Variants in SPAG16 observed in about 807,000 individuals in gnomAD.
SPAG16 encodes the protein sperm associated antigen 16.
In SPAG16, 86 loss-of-function variants were observed where a neutral mutation model predicts 80.4. The ratio of observed to expected loss-of-function variants is 1.07; its 90% CI spans 0.90 to 1.28. SPAG16 has a LOEUF of 1.28. Among genes scored for constraint, SPAG16 ranks in the 50% most tolerant of loss-of-function variants. SPAG16 has a pLI of 0.00. For synonymous variants in SPAG16, 294 were observed against 265.9 expected, an observed-to-expected ratio of 1.11 and a Z score of -1.03; for missense variants, 870 against 765.3, an observed-to-expected ratio of 1.14 and a Z score of -1.61.
At chr2:213,940,309 A>G (rs1345885980) in intron 12 of SPAG16, among the ~76,000 whole-genome samples, 1 of 152,158 alleles carries the variant, frequency 6.6e-6, no homozygotes, top group East Asian at 1.9e-4. Flanking sequence ...AAGTTTTTTT[A>G]GAGATGACAT....
chr2:214,116,455 A>G (rs531223300), intron 14 of SPAG16, among the ~76,000 whole-genome samples: 1 of 152,222 alleles, frequency 6.6e-6, no homozygotes, highest in Non-Finnish European at 1.5e-5. Context: ...TTGGGGAACT[A>G]TGCTGTCTAT....
At chr2:214,234,599 A>C (rs2125810622) in intron 15 of SPAG16, among the ~76,000 whole-genome samples, 1 of 152,170 alleles carries the variant, frequency 6.6e-6, no homozygotes, top group East Asian at 1.9e-4. Context: ...CTGTGAGATC[A>C]TATATCATTG....
chr2:213,976,641 A>G (rs1559649226), intron 12 of SPAG16, among the ~76,000 whole-genome samples: 1 of 152,030 alleles, frequency 6.6e-6, no homozygotes, highest in South Asian at 2.1e-4. Context: ...AAAAAGCTAG[A>G]AAAATTCCAA....
chr2:213,376,440 C>T (rs142082745), intron 9 of SPAG16, among the ~76,000 whole-genome samples: 1,659 of 152,032 alleles, frequency 0.011, 23 homozygotes, highest in Non-Finnish European at 0.012. Flanking sequence ...TGATATTTAA[C>T]GTAATACCTA....
At chr2:213,719,826 C>A (rs990887739) in intron 10 of SPAG16, among the ~76,000 whole-genome samples, 2 of 152,144 alleles carry the variant, frequency 1.3e-5, no homozygotes, top group African/African-American at 4.8e-5. Context: ...ACCCAGCAAT[C>A]CCATTACTGA....
chr2:214,239,913 C>CA (rs1288488504), intron 15 of SPAG16: 1 of 152,012 alleles, frequency 6.6e-6, no homozygotes, highest in East Asian at 1.9e-4. Flanking sequence ...ATAAAATTCT[C>CA]ATTGAAAAAA....
intron 5 of SPAG16, among the ~76,000 whole-genome samples, chr2:213,338,975 G>A (rs905950971): frequency 2.7e-5 from 4 of 150,802 alleles, no homozygotes; most frequent in African/African-American, 9.8e-5. Flanking sequence ...CGTGGCACAT[G>A]TTTACCTATG....
chr2:213,648,642 A>G (rs1353153675), intron 10 of SPAG16, among the ~76,000 whole-genome samples: 1 of 152,096 alleles, frequency 6.6e-6, no homozygotes, highest in Non-Finnish European at 1.5e-5. Flanking sequence ...ATGCACATCA[A>G]TTGTCTCATC....
chr2:213,875,246 G>A (rs1241028414), intron 11 of SPAG16, among the ~76,000 whole-genome samples: 3 of 151,868 alleles, frequency 2.0e-5, no homozygotes, highest in African/African-American at 7.3e-5. Flanking sequence ...AAATTATATG[G>A]GAACTCTACA....
At chr2:213,792,225 C>A (rs1028568379) in intron 10 of SPAG16, among the ~76,000 whole-genome samples, 1 of 152,180 alleles carries the variant, frequency 6.6e-6, no homozygotes, top group African/African-American at 2.4e-5. Flanking sequence ...GCCAAGGAAT[C>A]CCATAGCTTT....
At chr2:213,804,459 A>AGATCACAAGGTCAAGAGATCGAG (rs1170388945) in intron 10 of SPAG16, among the ~76,000 whole-genome samples, 1 of 152,136 alleles carries the variant, frequency 6.6e-6, no homozygotes, top group Non-Finnish European at 1.5e-5. Flanking sequence ...CGAGGCGGGC[A>AGATCACAAGGTCAAGAGATCGAG]GATCACAAGG....
chr2:213,742,130 T>C (rs958867872), intron 10 of SPAG16, among the ~76,000 whole-genome samples: 1 of 8,972 alleles, frequency 1.1e-4, no homozygotes, highest in Non-Finnish European at 2.0e-4. Flanking sequence ...CTGTTCTGTG[T>C]TTAGTATTTT....
intron 15 of SPAG16, among the ~76,000 whole-genome samples, chr2:214,268,155 AT>A (rs1691720658): frequency 6.6e-6 from 1 of 151,940 alleles, no homozygotes; most frequent in Non-Finnish European, 1.5e-5. Flanking sequence ...GGCAACTATT[AT>A]CAAAAGATAA....
intron 15 of SPAG16, among the ~76,000 whole-genome samples, chr2:214,168,138 C>A (rs1320046424): frequency 6.6e-6 from 1 of 151,608 alleles, no homozygotes; most frequent in Admixed American, 6.6e-5. Flanking sequence ...TACAGGCATG[C>A]ACCACCACAC....
At chr2:213,396,243 T>G (rs2068027189) in intron 9 of SPAG16, among the ~76,000 whole-genome samples, 1 of 152,218 alleles carries the variant, frequency 6.6e-6, no homozygotes, top group African/African-American at 2.4e-5. Flanking sequence ...TCATAACATT[T>G]ATTGAAATAT....
intron 11 of SPAG16, among the ~76,000 whole-genome samples, chr2:213,880,767 T>C (rs2076312398): frequency 6.6e-6 from 1 of 152,194 alleles, no homozygotes; most frequent in South Asian, 2.1e-4. Flanking sequence ...GTCAGCTTTG[T>C]TGAAAATCAG....
chr2:214,089,014 G>T (rs1186838158), intron 13 of SPAG16, among the ~76,000 whole-genome samples: 2 of 152,024 alleles, frequency 1.3e-5, no homozygotes, highest in Admixed American at 6.6e-5. Context: ...TCAGAATCAA[G>T]CATATTAAAG....
At chr2:213,945,962 A>G (rs1490017844) in intron 12 of SPAG16, among the ~76,000 whole-genome samples, 5 of 152,210 alleles carry the variant, frequency 3.3e-5, no homozygotes, top group Non-Finnish European at 5.9e-5. Context: ...ACTTTCTTGC[A>G]AATATAAATG....
chr2:214,249,724 T>C (rs1209426093), intron 15 of SPAG16, among the ~76,000 whole-genome samples: 4 of 143,784 alleles, frequency 2.8e-5, no homozygotes, highest in Admixed American at 2.2e-4. Flanking sequence ...TAACAGTATT[T>C]CTAGTAGTAG....
Sources: allele counts gnomAD v4.1 joint callset (sites outside exome capture counted in the v4.1 genomes callset), GRCh38; gene constraint gnomAD v4.1.1; transcripts MANE v1.5; gene names NCBI Gene and HGNC (gene_info 2026-07-23, HGNC 2026-07-21).